FAM227B: variants seen among roughly 807,000 people sequenced by gnomAD.
FAM227B encodes family with sequence similarity 227 member B.
Under a neutral mutation model 73.8 loss-of-function variants are expected in FAM227B, and 88 were observed. That is an observed-to-expected ratio of 1.19 (90% CI 1.00 to 1.42). FAM227B has a LOEUF of 1.42. Among genes scored for constraint, FAM227B ranks in the 40% most tolerant of loss-of-function variants. The pLI, the probability that FAM227B is intolerant of heterozygous loss-of-function variation, is 0.00. For missense variants in FAM227B, 632 were observed against 590.9 expected, an observed-to-expected ratio of 1.07 and a Z score of -0.72; for synonymous variants, 210 against 190.5, an observed-to-expected ratio of 1.10 and a Z score of -0.84.
At chr15:49,604,481 A>T (rs1227950499) in intron 3 of FAM227B, among the ~76,000 whole-genome samples, 1 of 151,936 alleles carries the variant, frequency 6.6e-6, no homozygotes, top group African/African-American at 2.4e-5. Context: ...AAATTATCTC[A>T]TCTTTGACTT....
chr15:49,378,340 A>G (rs2046304093), intron 11 of FAM227B, among the ~76,000 whole-genome samples: 2 of 151,914 alleles, frequency 1.3e-5, no homozygotes, highest in Admixed American at 6.6e-5. Flanking sequence ...TCTGTAAAGA[A>G]TATCATTGGT....
At chr15:49,472,262 C>G (rs1446731405) in intron 11 of FAM227B, among the ~76,000 whole-genome samples, 3 of 152,208 alleles carry the variant, frequency 2.0e-5, no homozygotes, top group African/African-American at 7.2e-5. Flanking sequence ...AGTGACAACT[C>G]TGCTCCACAA....
chr15:49,614,055 C>CT (rs984429014), intron 2 of FAM227B, among the ~76,000 whole-genome samples: 5 of 152,024 alleles, frequency 3.3e-5, no homozygotes, highest in Admixed American at 6.6e-5. Context: ...TAAGCATTGA[C>CT]TTTTTTTTCT....
chr15:49,422,163 TGCGCGCGC>T (rs5812485), intron 11 of FAM227B, among the ~76,000 whole-genome samples: 3 of 147,526 alleles, frequency 2.0e-5, no homozygotes, highest in Admixed American at 6.7e-5. Flanking sequence ...TGTGTGTGTG[TGCGCGCGC>T]GCGCGCGTGC....
intron 7 of FAM227B, chr15:49,576,057 T>C (rs555714619): frequency 6.6e-6 from 1 of 152,296 alleles, no homozygotes; most frequent in African/African-American, 2.4e-5. Flanking sequence ...GGCAAGAAAA[T>C]TATTATGTAT....
chr15:49,508,337 G>C lies in FAM227B; in HGVS notation c.886C>G (p.Gln296Glu), dbSNP rs756019089. 6.3e-7 allele frequency: 1 copy of C among 1,597,676 alleles called. No individual in the cohort carries two copies. The highest frequency in any genetic ancestry group is 8.5e-7 in the Non-Finnish European group (1 of 1,174,676). ...IFLWCSGLKP[Q>E]KGFWIHWKLK... ...TTCCAGTGGATCCAAAAGCCTTTTT[G>C]AGGTTTTAAACCTGTTAATATAAAA... Residue 296 changes from glutamine (Q) to glutamate (E), a missense_variant, in exon 11 of 16, where the codon CAA becomes GAA. By Grantham distance (29) the Gln-to-Glu change is conservative. Transcript: ENST00000299338.
At chr15:49,480,708 C>T (rs56248339) in intron 11 of FAM227B, among the ~76,000 whole-genome samples, 7,963 of 152,124 alleles carry the variant, frequency 0.052, 361 homozygotes, top group East Asian at 0.23. Flanking sequence ...GTATTGAATT[C>T]CTGACCTCAA....
intron 11 of FAM227B, among the ~76,000 whole-genome samples, chr15:49,471,918 A>G (rs1477292733): frequency 6.6e-6 from 1 of 152,102 alleles, no homozygotes; most frequent in African/African-American, 2.4e-5. Flanking sequence ...GAAACTTGGA[A>G]TCCCTCGTGA....
intron 3 of FAM227B, among the ~76,000 whole-genome samples, chr15:49,590,247 T>A (rs1224829476): frequency 6.6e-6 from 1 of 152,206 alleles, no homozygotes; most frequent in Non-Finnish European, 1.5e-5. Context: ...CTTTAAAACG[T>A]CAATGTATAT....
chr15:49,574,680 C>A, intron 8 of FAM227B: 1 of 163,252 alleles, frequency 6.1e-6, no homozygotes, highest in South Asian at 1.8e-4. Context: ...TCTGTTCAAT[C>A]CTAATCAGAA....
At chr15:49,437,187 T>C (rs377149659) in intron 11 of FAM227B, among the ~76,000 whole-genome samples, 183 of 151,648 alleles carry the variant, frequency 1.2e-3, no homozygotes, top group African/African-American at 4.2e-3. Flanking sequence ...TTAAATTGTA[T>C]ATATACAGTT....
At chr15:49,462,481 C>G (rs1268938696) in intron 11 of FAM227B, among the ~76,000 whole-genome samples, 1 of 152,174 alleles carries the variant, frequency 6.6e-6, no homozygotes, top group African/African-American at 2.4e-5. Flanking sequence ...CCAGCATGGG[C>G]AAATATAATT....
chr15:49,578,237 G>C (rs143071193), intron 5 of FAM227B, among the ~76,000 whole-genome samples: 137 of 152,314 alleles, frequency 9.0e-4, no homozygotes, highest in Admixed American at 5.0e-3. Flanking sequence ...TTTCTCAGAA[G>C]AGGAAGTTCT....
chr15:49,606,516 C>T (rs1287428773), intron 3 of FAM227B, among the ~76,000 whole-genome samples: 1 of 152,212 alleles, frequency 6.6e-6, no homozygotes, highest in African/African-American at 2.4e-5. Context: ...TACTTGGGCT[C>T]TAATATCGCA....
At chr15:49,503,174 G>A (rs945954704) in intron 11 of FAM227B, among the ~76,000 whole-genome samples, 2 of 152,102 alleles carry the variant, frequency 1.3e-5, no homozygotes, top group Admixed American at 6.6e-5. Flanking sequence ...AGAAATGGGG[G>A]AAGGATTCCC....
In FAM227B at chr15:49,328,570, A is replaced by G. The variant is rs1364422140; in HGVS notation, c.1525T>C (p.Ter509GlnextTer11). 1 of 1,604,762 alleles carries G rather than the reference A, an allele frequency of 6.2e-7. No homozygotes were observed. Among genetic ancestry groups the G allele is most frequent in the South Asian group, 1.1e-5 (1 of 89,902 alleles). The change falls in exon 16 of 16, where the codon TAA (stop) becomes CAA (glutamine). Residue 509 changes from the stop codon to glutamine (Q), a stop_lost. Coordinates refer to ENST00000299338, the MANE Select transcript of FAM227B (RefSeq NM_152647.3). ...DNYNFEEEEY[*>Q] ...ATAGAGTTCATTTCTGGTTTCTCTT[A>G]GTATTCTTCTTCCTCAAAGTTGTAG...
chr15:49,396,587 A>T (rs1041728633), intron 11 of FAM227B: 14 of 155,516 alleles, frequency 9.0e-5, no homozygotes, highest in African/African-American at 3.4e-4. Flanking sequence ...CTGCAGACTT[A>T]AATGTCCCTG....
chr15:49,602,504 A>G (rs771925634), intron 3 of FAM227B, among the ~76,000 whole-genome samples: 5 of 152,138 alleles, frequency 3.3e-5, no homozygotes, highest in South Asian at 2.1e-4. Context: ...TAGTTTTCCT[A>G]TAGAGTTGCT....
At chr15:49,486,001 A>G (rs931685557) in intron 11 of FAM227B, 5 of 152,030 alleles carry the variant, frequency 3.3e-5, no homozygotes, top group Admixed American at 1.3e-4. Flanking sequence ...CAGCCTACAG[A>G]TAACAGGATT....
Sources: gnomAD v4.1 joint callset for allele counts (sites outside exome capture counted in the v4.1 genomes callset) on GRCh38, gnomAD v4.1.1 for gene constraint, MANE v1.5 for transcripts, NCBI Gene and HGNC (gene_info 2026-07-23, HGNC 2026-07-21) for gene names.